The following UST variants were observed in gnomAD, a reference collection of about 807,000 sequenced individuals.
UST encodes the protein chondroitin sulfate 2-O-sulfotransferase.
In UST, 21 loss-of-function variants were observed where a neutral mutation model predicts 45.6. The observed-to-expected ratio is 0.46, with a 90% confidence interval of 0.33 to 0.66. UST has a LOEUF of 0.66. Among genes scored for constraint, UST ranks in the 30% least tolerant of loss-of-function variants. UST has a pLI of 0.02. For synonymous variants in UST, 215 were observed against 200.6 expected (o/e 1.07, Z -0.61); for missense variants, 463 against 512.4 (o/e 0.90, Z 0.93).
intron 1 of UST, among the ~76,000 whole-genome samples, chr6:148,828,389 G>GA (rs1338394796): frequency 6.6e-6 from 1 of 152,104 alleles, no homozygotes; most frequent in Non-Finnish European, 1.5e-5. Flanking sequence ...TATATTACTG[G>GA]AAAAATTAAG....
intron 2 of UST, among the ~76,000 whole-genome samples, chr6:148,920,519 GTTTC>G (rs1779682526): frequency 6.6e-6 from 1 of 152,022 alleles, no homozygotes; most frequent in Non-Finnish European, 1.5e-5. Context: ...CCCTCGAGAG[GTTTC>G]TTTGTTTGCT....
chr6:149,032,215 T>TC (rs1206249642), intron 7 of UST, among the ~76,000 whole-genome samples: 1 of 151,856 alleles, frequency 6.6e-6, no homozygotes, highest in Non-Finnish European at 1.5e-5. Context: ...TGTGTCACCC[T>TC]CCCCCCGTTT....
chr6:148,868,702 C>T (rs1778493439), intron 1 of UST, among the ~76,000 whole-genome samples: 1 of 152,060 alleles, frequency 6.6e-6, no homozygotes, highest in Non-Finnish European at 1.5e-5. Flanking sequence ...TTGAAAATTA[C>T]ATTAATTTAT....
chr6:149,009,592 C>T (rs1327898098), intron 5 of UST, among the ~76,000 whole-genome samples: 5 of 145,538 alleles, frequency 3.4e-5, no homozygotes, highest in Admixed American at 3.4e-4. Context: ...CATAGACAGA[C>T]ACACATCACC....
At chr6:148,877,891 TTTGGGGG>T (rs1778722653) in intron 1 of UST, among the ~76,000 whole-genome samples, 1 of 59,710 alleles carries the variant, frequency 1.7e-5, no homozygotes, top group Non-Finnish European at 3.1e-5. Flanking sequence ...CGTGTATGAG[TTTGGGGG>T]GTCATGTACG....
intron 2 of UST, among the ~76,000 whole-genome samples, chr6:148,918,108 A>G (rs1779624550): frequency 6.6e-6 from 1 of 152,172 alleles, no homozygotes; most frequent in Admixed American, 6.5e-5. Flanking sequence ...AAAATTCCAG[A>G]AGTACCTTAG....
chr6:149,001,239 T>A (rs1048005632), intron 5 of UST, among the ~76,000 whole-genome samples: 1 of 151,986 alleles, frequency 6.6e-6, no homozygotes, highest in Admixed American at 6.6e-5. Context: ...GCCTGGCTAA[T>A]TTTTTTGTAT....
intron 7 of UST, among the ~76,000 whole-genome samples, chr6:149,061,494 T>G (rs1331389723): frequency 6.6e-6 from 1 of 152,220 alleles, no homozygotes; most frequent in African/African-American, 2.4e-5. Flanking sequence ...CAGTCTTGCA[T>G]GCAGACAGGT....
intron 1 of UST, among the ~76,000 whole-genome samples, chr6:148,886,763 C>T (rs977284596): frequency 6.6e-6 from 1 of 152,122 alleles, no homozygotes; most frequent in Non-Finnish European, 1.5e-5. Context: ...TGTGTGCATA[C>T]ATAACCATGT....
At chr6:148,974,614 A>C (rs1045327738) in intron 5 of UST, among the ~76,000 whole-genome samples, 1 of 152,242 alleles carries the variant, frequency 6.6e-6, no homozygotes, top group African/African-American at 2.4e-5. Flanking sequence ...CCTCTAGAAC[A>C]AACCGCTTTT....
chr6:149,002,419 G>A (rs895407583), intron 5 of UST, among the ~76,000 whole-genome samples: 4 of 152,154 alleles, frequency 2.6e-5, no homozygotes, highest in African/African-American at 7.2e-5. Context: ...TGAAAATAAT[G>A]AGACTGGAGA....
At chr6:148,995,544 CAT>C (rs1213151345) in intron 5 of UST, among the ~76,000 whole-genome samples, 2 of 152,238 alleles carry the variant, frequency 1.3e-5, no homozygotes, top group Non-Finnish European at 2.9e-5. Flanking sequence ...TTGCCAGAAA[CAT>C]AGTACAGCAG....
At chr6:148,986,454 T>A (rs545985274) in intron 5 of UST, among the ~76,000 whole-genome samples, 13 of 152,338 alleles carry the variant, frequency 8.5e-5, no homozygotes, top group African/African-American at 3.1e-4. Flanking sequence ...CGAGTCAATT[T>A]TTTATTTTTA....
intron 1 of UST, among the ~76,000 whole-genome samples, chr6:148,808,954 C>T (rs142824435): frequency 6.6e-6 from 1 of 152,350 alleles, no homozygotes; most frequent in African/African-American, 2.4e-5. Context: ...TCCCCACCTC[C>T]AGAATGATGA....
chr6:148,760,354 G>T (rs188254554), intron 1 of UST, among the ~76,000 whole-genome samples: 3 of 152,128 alleles, frequency 2.0e-5, no homozygotes, highest in African/African-American at 7.2e-5. Context: ...GCCTCCTCCC[G>T]GTTGCCTGCT....
rs1776813427 is a variant in UST, at chr6:148,790,075, G to A, written c.247+42398G>A. Among the ~76,000 whole-genome samples the A allele has an allele frequency of 1.3e-5, 2 of 150,882 alleles. No individual in the cohort carries two copies. The highest frequency in any genetic ancestry group is 4.2e-4 in the South Asian group (2 of 4,798). On this transcript the variant is annotated intron_variant, in intron 1 of 7. Transcript: ENST00000367463. This position sits in a 1 kb window ranked among gnomAD's most constrained non-coding sequence, Gnocchi z 4.2. ...TTCTTTAGCTCTTTTCTTTCTCTGG[G>A]AATAATGCATTCGCATTGCTATCGT... is the stretch of plus-strand genomic sequence containing the variant.
chr6:148,789,989 CTTTTTTTT>C (rs56987468), intron 1 of UST, among the ~76,000 whole-genome samples: 1 of 127,048 alleles, frequency 7.9e-6, no homozygotes. Flanking sequence ...TTTCAGGATT[CTTTTTTTT>C]TTTTTTTTTT....
chr6:149,053,720 A>C (rs1468429726), intron 7 of UST, among the ~76,000 whole-genome samples: 1 of 152,250 alleles, frequency 6.6e-6, no homozygotes, highest in Non-Finnish European at 1.5e-5. Flanking sequence ...ATAAGGAATT[A>C]TGTGCTCAGT....
At chr6:148,829,919 A>G (rs1477535961) in intron 1 of UST, among the ~76,000 whole-genome samples, 1 of 152,214 alleles carries the variant, frequency 6.6e-6, no homozygotes, top group African/African-American at 2.4e-5. Context: ...AAAGTGCAAG[A>G]ACATCCTGGG....
Sources: gnomAD v4.1 joint callset for allele counts (sites outside exome capture counted in the v4.1 genomes callset) on GRCh38, gnomAD v4.1.1 for gene constraint, Gnocchi (gnomAD v3.1) non-coding constraint, MANE v1.5 for transcripts, NCBI Gene and HGNC (gene_info 2026-07-23, HGNC 2026-07-21) for gene names.